Variants in MTMR8 observed in about 807,000 individuals in gnomAD.
MTMR8 encodes the protein myotubularin related protein 8.
Under a neutral mutation model 39.3 loss-of-function variants are expected in MTMR8, and 65 were observed. That is an observed-to-expected ratio of 1.65 (90% CI 1.35 to 2.03). The LOEUF (loss-of-function observed/expected upper bound fraction) is 2.03, where lower values mean the gene tolerates loss of function less well. Ranked by LOEUF, MTMR8 falls within the 30% of genes most tolerant of loss-of-function variation. The probability of loss-of-function intolerance (pLI) is 0.00; values close to 1 mark genes in which losing one functional copy is unlikely to be tolerated. For missense variants in MTMR8, 777 were observed against 538.9 expected (o/e 1.44, Z -4.37); for synonymous variants, 245 against 185.2 (o/e 1.32, Z -2.62).
chrX:64,269,000 C>A lies in MTMR8; in HGVS notation c.1652G>T (p.Cys551Phe), dbSNP rs1415075349. Residue 551 changes from cysteine to phenylalanine, a missense_variant, in exon 14 of 14, where the codon TGC becomes TTC. Cys to Phe is a radical substitution (Grantham distance 205, BLOSUM62 -2). Transcript: ENST00000374852. ...RDEPPEEICT[C>F]SQLGNILSQH... ...GGATAATATGTTTCCTAATTGAGAG[C>A]AGGTACAGATCTCTTCTGGTGGCTC... The A allele has an allele frequency of 8.3e-7, 1 of 1,209,819 alleles. No homozygotes were observed. Among genetic ancestry groups the A allele is most frequent in the East Asian group, 3.0e-5 (1 of 33,745 alleles).
intron 1 of MTMR8, among the ~76,000 whole-genome samples, chrX:64,387,758 A>T (rs1924600095): frequency 9.3e-6 from 1 of 107,571 alleles, no homozygotes; most frequent in African/African-American, 3.4e-5. Context: ...AGAGAAAGGG[A>T]TGCAAGAGGG....
intron 12 of MTMR8, among the ~76,000 whole-genome samples, chrX:64,292,210 G>T (rs758870714): frequency 8.9e-6 from 1 of 112,106 alleles, no homozygotes; most frequent in South Asian, 3.7e-4. Context: ...CTTGCAAGCA[G>T]CTAGTAGTCC....
intron 12 of MTMR8, among the ~76,000 whole-genome samples, chrX:64,315,298 A>G (rs1922434577): frequency 8.9e-6 from 1 of 111,830 alleles, no homozygotes; most frequent in South Asian, 3.8e-4. Context: ...GGAGCCAGTA[A>G]CAAGTCCCAG....
At chrX:64,367,556 A>T (rs1924007636) in intron 1 of MTMR8, among the ~76,000 whole-genome samples, 1 of 112,136 alleles carries the variant, frequency 8.9e-6, no homozygotes, top group African/African-American at 3.2e-5. Context: ...ACAAAATTCA[A>T]CAGCCCTTCA....
At chrX:64,299,311 A>G (rs1264767050) in intron 12 of MTMR8, among the ~76,000 whole-genome samples, 3 of 76,372 alleles carry the variant, frequency 3.9e-5, no homozygotes, top group African/African-American at 1.6e-4. Context: ...GTCTTGGGAG[A>G]GTGTATGTGT....
At chrX:64,388,294 A>G (rs1924613086) in intron 1 of MTMR8, among the ~76,000 whole-genome samples, 2 of 112,196 alleles carry the variant, frequency 1.8e-5, no homozygotes, top group Non-Finnish European at 3.8e-5. Context: ...CCCCAACAGC[A>G]GAGAGCATTC....
At chrX:64,391,557 C>T (rs934668479) in intron 1 of MTMR8, among the ~76,000 whole-genome samples, 3 of 111,686 alleles carry the variant, frequency 2.7e-5, no homozygotes, top group Non-Finnish European at 3.8e-5. Context: ...TAAGAGATCC[C>T]AGAGGGCAGT....
At position 64,390,571 on chromosome X, in the gene MTMR8, T is replaced by A. The variant is rs371008606; in HGVS notation, c.24+4769A>T. The stretch of plus-strand genomic sequence containing the variant: ...TTTCACATCTGTGAAATGAGAGGCT[T>A]GGACCATCACTAGATGATCTTTATT... On this transcript the variant is annotated intron_variant, in intron 1 of 13. Coordinates refer to ENST00000374852, the MANE Select transcript of MTMR8 (RefSeq NM_017677.4). Among the ~76,000 whole-genome samples the A allele has an allele frequency of 2.7e-5, 3 of 112,275 alleles. No homozygotes were observed. In the East Asian group the frequency reaches 8.3e-4, roughly 31 times the overall value.
intron 12 of MTMR8, among the ~76,000 whole-genome samples, chrX:64,288,549 C>T (rs1024126199): frequency 1.8e-5 from 2 of 111,730 alleles, no homozygotes; most frequent in Non-Finnish European, 3.8e-5. Flanking sequence ...AATCATGCTG[C>T]TATAAAGACA....
chrX:64,293,150 C>T (rs1172162919), intron 12 of MTMR8, among the ~76,000 whole-genome samples: 2 of 111,396 alleles, frequency 1.8e-5, no homozygotes, highest in East Asian at 2.8e-4. Flanking sequence ...CCTTGTCTAA[C>T]GACTTATTTC....
intron 2 of MTMR8, 84 bp from the exon 3 acceptor site, chrX:64,356,422 T>C: frequency 1.1e-6 from 1 of 878,938 alleles, no homozygotes; most frequent in Non-Finnish European, 1.6e-6. Flanking sequence ...TCCGTAATGG[T>C]AACAGCATGA....
chrX:64,288,762 G>C (rs967246437), intron 12 of MTMR8, among the ~76,000 whole-genome samples: 4 of 110,440 alleles, frequency 3.6e-5, no homozygotes, highest in Admixed American at 1.9e-4. Context: ...GCAAACTATC[G>C]CAAGGACAAA....
intron 12 of MTMR8, among the ~76,000 whole-genome samples, chrX:64,313,359 G>A (rs761925276): frequency 9.8e-5 from 11 of 112,648 alleles, no homozygotes; most frequent in Non-Finnish European, 1.7e-4. Flanking sequence ...ACCAAGCTCA[G>A]GTAGCTTCCA....
chrX:64,278,513 C>A (rs1415786549), intron 12 of MTMR8, among the ~76,000 whole-genome samples: 3 of 76,667 alleles, frequency 3.9e-5, no homozygotes, highest in Non-Finnish European at 6.9e-5. Context: ...TCACTTTGTC[C>A]TCCAGGCTGG....
intron 12 of MTMR8, among the ~76,000 whole-genome samples, chrX:64,321,150 C>A (rs1045142153): frequency 1.3e-4 from 14 of 111,022 alleles, no homozygotes; most frequent in East Asian, 5.6e-4. Context: ...ACAACAACAA[C>A]AAAAAATTAT....
At chrX:64,383,600 A>C (rs1308052636) in intron 1 of MTMR8, among the ~76,000 whole-genome samples, 1 of 110,008 alleles carries the variant, frequency 9.1e-6, no homozygotes, top group African/African-American at 3.3e-5. Flanking sequence ...GGGAGCAGGC[A>C]CTCACACTGC....
intron 12 of MTMR8, among the ~76,000 whole-genome samples, chrX:64,314,387 A>T (rs1365055421): frequency 1.8e-5 from 2 of 112,528 alleles, no homozygotes; most frequent in Non-Finnish European, 3.8e-5. Flanking sequence ...TCAGGAGGGC[A>T]GAGGCCTGAC....
chrX:64,302,857 T>C (rs926459237), intron 12 of MTMR8, among the ~76,000 whole-genome samples: 1 of 112,300 alleles, frequency 8.9e-6, no homozygotes, highest in Non-Finnish European at 1.9e-5. Flanking sequence ...ACAGACTCCC[T>C]GCTGTGCTGC....
At chrX:64,344,372 G>C (rs762911585) in intron 7 of MTMR8, among the ~76,000 whole-genome samples, 4 of 111,266 alleles carry the variant, frequency 3.6e-5, no homozygotes, top group Non-Finnish European at 7.5e-5. Context: ...GGCAGACTAC[G>C]CAAGTACAAA....
Sources: allele counts gnomAD v4.1 joint callset (sites outside exome capture counted in the v4.1 genomes callset), GRCh38; gene constraint gnomAD v4.1.1; transcripts MANE v1.5; gene names NCBI Gene and HGNC (gene_info 2026-07-23, HGNC 2026-07-21).